AP3B1: variants seen among roughly 807,000 people sequenced by gnomAD.
AP3B1 encodes the protein adaptor related protein complex 3 subunit beta 1, also known as AP-3 complex subunit beta-1.
AP3B1 carries 61 observed loss-of-function variants against 132.5 expected under a neutral mutation model. The observed-to-expected ratio is 0.46, with a 90% CI of 0.37 to 0.57. The LOEUF (loss-of-function observed/expected upper bound fraction) is 0.57. Ranked by LOEUF, AP3B1 falls within the 20% of genes least tolerant of loss-of-function variation. AP3B1 has a pLI of 0.00. For missense variants in AP3B1, 1,120 were observed against 1,289.4 expected (o/e 0.87, Z 2.01); for synonymous variants, 388 against 438.3 (o/e 0.89, Z 1.43).
chr5:78,132,482 GC>G (rs542630363), intron 15 of AP3B1, among the ~76,000 whole-genome samples: 18 of 152,176 alleles, frequency 1.2e-4, no homozygotes, highest in Admixed American at 5.2e-4. Context: ...GCAGTGTTGG[GC>G]CTTTTTTCTA....
intron 11 of AP3B1, among the ~76,000 whole-genome samples, chr5:78,169,894 T>C (rs915015183): frequency 6.6e-6 from 1 of 152,160 alleles, no homozygotes; most frequent in African/African-American, 2.4e-5. Context: ...CTCCTCATGT[T>C]ATCCCTCCCA....
chr5:78,233,624 G>A (rs1051582217), intron 3 of AP3B1, among the ~76,000 whole-genome samples: 5 of 152,164 alleles, frequency 3.3e-5, no homozygotes, highest in Admixed American at 1.3e-4. Flanking sequence ...AACTGCCTGC[G>A]ACAGCTTTTG....
In AP3B1 at chr5:78,156,347, C is replaced by T. The variant is rs1181305297; in HGVS notation, c.1384G>A (p.Val462Met). The change falls in exon 14 of 27, where the codon GTG (valine) becomes ATG (methionine). Residue 462 changes from valine (V) to methionine (M), a missense_variant. Around this residue, in one of 3 missense-constraint regions of AP3B1, gnomAD observed 906 missense variants for 997.1 expected, o/e 0.91. Coordinates refer to ENST00000255194, the MANE Select transcript of AP3B1 (RefSeq NM_003664.5). ...TGCAGTAATTTCTTTATAACAACCA[C>T]ACTTTCAGCAACAACTATTTCTGAA... ...NRDEIVVAES[V>M]VVIKKLLQMQ... The T allele has an allele frequency of 3.7e-6, 6 of 1,611,906 alleles. No homozygotes were observed. The highest frequency in any genetic ancestry group is 1.6e-4 in the Middle Eastern group (1 of 6,078).
At chr5:78,168,013 G>GAAAAAAAAAAAAAAAAAA (rs149936824) in intron 11 of AP3B1, among the ~76,000 whole-genome samples, 2 of 110,782 alleles carry the variant, frequency 1.8e-5, no homozygotes, top group Non-Finnish European at 1.8e-5. Flanking sequence ...AAAACCTACT[G>GAAAAAAAAAAAAAAAAAA]AAAAAAAAAA....
chr5:78,205,442 TACAC>T (rs1008439441), intron 7 of AP3B1, among the ~76,000 whole-genome samples: 1 of 151,250 alleles, frequency 6.6e-6, no homozygotes, highest in Admixed American at 6.6e-5. Context: ...CATATATATA[TACAC>T]ACACACACGC....
intron 7 of AP3B1, among the ~76,000 whole-genome samples, chr5:78,194,557 C>T (rs1006225719): frequency 6.6e-6 from 1 of 152,090 alleles, no homozygotes; most frequent in Admixed American, 6.6e-5. Context: ...AAGACAGAAC[C>T]ATCTGACTGA....
chr5:78,016,702 T>C (rs1324370611), intron 25 of AP3B1, among the ~76,000 whole-genome samples: 1 of 152,234 alleles, frequency 6.6e-6, no homozygotes, highest in African/African-American at 2.4e-5. Flanking sequence ...GAAAAGACTT[T>C]TGCCGTCAGT....
chr5:78,064,584 G>C (rs1749200834), intron 22 of AP3B1, among the ~76,000 whole-genome samples: 2 of 152,152 alleles, frequency 1.3e-5, no homozygotes, highest in South Asian at 4.1e-4. Context: ...ATGTGAGGAG[G>C]TAAATGTTAC....
chr5:78,083,081 T>C (rs1375233544), intron 22 of AP3B1, among the ~76,000 whole-genome samples: 3 of 152,114 alleles, frequency 2.0e-5, no homozygotes, highest in South Asian at 2.1e-4. Flanking sequence ...CCTCCCAAAG[T>C]GTTGGGATTA....
rs577360033 is a variant in AP3B1 at position 78,229,259 on chromosome 5, T to C, written c.280-1020A>G. Among the ~76,000 whole-genome samples, 8 of 152,276 alleles carry C rather than the reference T, an allele frequency of 5.3e-5. No individual in the cohort carries two copies. In the East Asian group the frequency reaches 1.5e-3, roughly 29 times the overall value. The stretch of plus-strand genomic sequence containing the variant: ...CCTTGAAAACAAGTTTTAAAGGTAA[T>C]TTAATCACTAAGTTTACAACAAAAT... On this transcript the variant is annotated intron_variant, in intron 3 of 26. Coordinates refer to ENST00000255194, the MANE Select transcript of AP3B1 (RefSeq NM_003664.5).
chr5:78,098,913 C>T (rs2112229386), intron 21 of AP3B1, among the ~76,000 whole-genome samples: 1 of 152,182 alleles, frequency 6.6e-6, no homozygotes, highest in East Asian at 1.9e-4. Context: ...ACAAGAATGA[C>T]AAGAATAACA....
chr5:78,097,011 TG>T (rs1322949985), intron 21 of AP3B1, among the ~76,000 whole-genome samples: 35 of 85,088 alleles, frequency 4.1e-4, no homozygotes, highest in African/African-American at 1.4e-3. Flanking sequence ...GGGAGGGAGG[TG>T]GGGGGGTCAG....
intron 22 of AP3B1, among the ~76,000 whole-genome samples, chr5:78,054,578 C>A (rs926532234): frequency 6.6e-6 from 1 of 152,140 alleles, no homozygotes; most frequent in African/African-American, 2.4e-5. Flanking sequence ...ACTTCAAGAT[C>A]CAAATGGAGA....
At chr5:78,166,112 C>T (rs993822707) in intron 11 of AP3B1, among the ~76,000 whole-genome samples, 1 of 133,926 alleles carries the variant, frequency 7.5e-6, no homozygotes, top group Non-Finnish European at 1.5e-5. Context: ...AAGACTGAAA[C>T]TCTGTCACAC....
At chr5:78,141,402 A>C in intron 14 of AP3B1, 83 bp from the exon 15 acceptor site, 1 of 1,041,918 alleles carries the variant, frequency 9.6e-7, no homozygotes, top group Non-Finnish European at 1.4e-6. Flanking sequence ...AACTATTACA[A>C]AAGTTTTACA....
At chr5:78,089,053 G>GA (rs1490884361) in intron 22 of AP3B1, 2 of 177,154 alleles carry the variant, frequency 1.1e-5, no homozygotes, top group Non-Finnish European at 2.4e-5. Flanking sequence ...AACGATTACG[G>GA]AAATGAAAGT....
At chr5:78,269,465 C>A (rs1049665391) in intron 1 of AP3B1, among the ~76,000 whole-genome samples, 1 of 151,964 alleles carries the variant, frequency 6.6e-6, no homozygotes, top group African/African-American at 2.4e-5. Flanking sequence ...TATTTTAGCC[C>A]CAGAATGAAC....
intron 7 of AP3B1, 125 bp from the exon 8 acceptor site, chr5:78,181,787 G>T: frequency 1.3e-6 from 1 of 796,510 alleles, no homozygotes; most frequent in Non-Finnish European, 2.0e-6. Flanking sequence ...CTTCTGTTTG[G>T]GCAATTTAAA....
At position 78,172,942 on chromosome 5, in the gene AP3B1, G is replaced by GCTTTTGGTGTTT. The variant is rs1162795056; in HGVS notation, c.1167+2683_1167+2684insAAACACCAAAAG. ...TACACACTGCTTTAAATGTGTCCCA[G>GCTTTTGGTGTTT]AGATTCTGGTATGTTGTGTCTTTGT... On this transcript the variant is annotated intron_variant, in intron 11 of 26. Transcript: ENST00000255194. Among the ~76,000 whole-genome samples, 20 of 152,314 alleles carry GCTTTTGGTGTTT rather than the reference G, an allele frequency of 1.3e-4. No individual in the cohort carries two copies. In the South Asian group the frequency reaches 3.7e-3, roughly 28 times the overall value.
Sources: allele counts gnomAD v4.1 joint callset (sites outside exome capture counted in the v4.1 genomes callset), GRCh38; gene constraint gnomAD v4.1.1; regional missense constraint gnomAD v4.1.1; transcripts MANE v1.5; gene names NCBI Gene and HGNC (gene_info 2026-07-23, HGNC 2026-07-21).